SNTG2: variants seen among roughly 807,000 people sequenced by gnomAD.
The protein encoded by SNTG2 is syntrophin gamma 2.
Under a neutral mutation model 70.9 loss-of-function variants are expected in SNTG2, and 74 were observed. The ratio of observed to expected loss-of-function variants is 1.04; its 90% CI spans 0.86 to 1.27. The LOEUF is 1.27. Among genes scored for constraint, SNTG2 ranks in the 50% most tolerant of loss-of-function variants. SNTG2 has a pLI of 0.00. For synonymous variants in SNTG2, 278 were observed against 273.8 expected (o/e 1.02, Z -0.15); for missense variants, 717 against 690.7 (o/e 1.04, Z -0.43).
intron 6 of SNTG2, among the ~76,000 whole-genome samples, chr2:1,143,859 C>T (rs536791014): frequency 1.3e-5 from 2 of 149,862 alleles, no homozygotes; most frequent in Non-Finnish European, 3.0e-5. Flanking sequence ...GGCGACAGAG[C>T]GAGACTCTGT....
intron 16 of SNTG2, among the ~76,000 whole-genome samples, chr2:1,342,281 G>A (rs181262509): frequency 1.8e-4 from 20 of 109,726 alleles, no homozygotes; most frequent in African/African-American, 7.7e-4. Context: ...CTCCTGCTCT[G>A]TAGGACAGCA....
rs567298732 is a variant in SNTG2 at position 1,040,823 on chromosome 2, C to T, written c.73-42695C>T. Among the ~76,000 whole-genome samples the T allele has an allele frequency of 7.2e-5, 11 of 152,268 alleles. No individual in the cohort carries two copies. The South Asian group carries it at 1.2e-3, about 17-fold the overall frequency. On this transcript the variant is annotated intron_variant, in intron 1 of 16. Coordinates refer to ENST00000308624, the MANE Select transcript of SNTG2 (RefSeq NM_018968.4). ...ATCCTCCCTGTCCTGCCACCCTTGA[C>T]GTTTGATATTAATTATGCTTCAAAA...
intron 1 of SNTG2, among the ~76,000 whole-genome samples, chr2:959,816 T>C (rs1660292288): frequency 6.6e-6 from 1 of 151,614 alleles, no homozygotes; most frequent in Non-Finnish European, 1.5e-5. Context: ...TTTATTCCTT[T>C]GATGTTTGTA....
At chr2:1,069,498 A>AC (rs1302249411) in intron 1 of SNTG2, among the ~76,000 whole-genome samples, 1 of 151,844 alleles carries the variant, frequency 6.6e-6, no homozygotes, top group Non-Finnish European at 1.5e-5. Context: ...GGAAAAAAAA[A>AC]AAAACAAAAA....
chr2:1,002,602 G>A (rs1558304525), intron 1 of SNTG2, among the ~76,000 whole-genome samples: 2 of 151,236 alleles, frequency 1.3e-5, no homozygotes, highest in African/African-American at 2.4e-5. Flanking sequence ...AAAAACAGAT[G>A]TGTATGAGGA....
chr2:1,085,215 G>A (rs543365044), intron 2 of SNTG2, among the ~76,000 whole-genome samples: 2 of 152,186 alleles, frequency 1.3e-5, no homozygotes, highest in Admixed American at 6.5e-5. Flanking sequence ...GGAAGCTTTC[G>A]TAATCATTTT....
chr2:981,631 G>C (rs1428204234), intron 1 of SNTG2, among the ~76,000 whole-genome samples: 1 of 152,004 alleles, frequency 6.6e-6, no homozygotes, highest in Non-Finnish European at 1.5e-5. Context: ...ATACACACAG[G>C]TGCACAGACG....
intron 8 of SNTG2, among the ~76,000 whole-genome samples, chr2:1,191,053 A>G (rs1013930635): frequency 6.6e-6 from 1 of 152,208 alleles, no homozygotes; most frequent in Non-Finnish European, 1.5e-5. Context: ...GCAATCCCAC[A>G]TGCTCATTAA....
intron 1 of SNTG2, among the ~76,000 whole-genome samples, chr2:1,044,353 G>A (rs1354966220): frequency 6.6e-6 from 1 of 152,058 alleles, no homozygotes; most frequent in African/African-American, 2.4e-5. Flanking sequence ...TCTGTGAAAA[G>A]AGATAGGTTG....
intron 16 of SNTG2, among the ~76,000 whole-genome samples, chr2:1,354,831 A>C (rs186625926): frequency 6.6e-6 from 1 of 152,340 alleles, no homozygotes; most frequent in East Asian, 1.9e-4. Context: ...TGAGAAGAGA[A>C]TACTTTGGGA....
intron 8 of SNTG2, among the ~76,000 whole-genome samples, chr2:1,181,259 C>A (rs895008265): frequency 6.6e-6 from 1 of 152,034 alleles, no homozygotes; most frequent in Non-Finnish European, 1.5e-5. Flanking sequence ...TCTTTGCACT[C>A]AAGAGTGTGT....
At chr2:1,346,534 A>T (rs990262694) in intron 16 of SNTG2, 2 of 152,332 alleles carry the variant, frequency 1.3e-5, no homozygotes, top group South Asian at 2.1e-4. Flanking sequence ...TGGAGGGGCA[A>T]GCTCCCTCCA....
chr2:1,364,431 C>A (rs551508692), intron 16 of SNTG2, among the ~76,000 whole-genome samples: 14 of 152,134 alleles, frequency 9.2e-5, no homozygotes, highest in African/African-American at 3.1e-4. Context: ...ATCTTGGGAA[C>A]TTGTAAAGCA....
intron 9 of SNTG2, among the ~76,000 whole-genome samples, chr2:1,223,467 G>T (rs188948885): frequency 2.6e-5 from 4 of 152,152 alleles, no homozygotes; most frequent in African/African-American, 9.7e-5. Context: ...TGCCAACTGC[G>T]TCGGATTCCT....
rs146878881 is a variant in SNTG2, at chr2:1,132,738, G to A, written c.326-4884G>A. ...TAAGCTGTGGAAGAAGCTGAGCCAT[G>A]TGTTAGCTGAGTGTACATGATACGA... On this transcript the variant is annotated intron_variant, in intron 4 of 16. Coordinates refer to ENST00000308624, the MANE Select transcript of SNTG2 (RefSeq NM_018968.4). 1.2e-3 allele frequency among the ~76,000 whole-genome samples: 185 copies of A among 152,264 alleles called. 1 individual carries two copies. The highest frequency in any genetic ancestry group is 4.3e-3 in the African/African-American group (177 of 41,568).
At chr2:1,069,664 G>T (rs2148133280) in intron 1 of SNTG2, among the ~76,000 whole-genome samples, 1 of 152,168 alleles carries the variant, frequency 6.6e-6, no homozygotes, top group Non-Finnish European at 1.5e-5. Context: ...GATGACACGT[G>T]CCTGTAGTTC....
At chr2:1,102,192 G>T (rs940197305) in intron 4 of SNTG2, among the ~76,000 whole-genome samples, 2 of 152,160 alleles carry the variant, frequency 1.3e-5, no homozygotes, top group African/African-American at 2.4e-5. Context: ...GAGGAGACGG[G>T]GAGAGGGCGC....
chr2:1,042,159 CT>C (rs372762250), intron 1 of SNTG2, among the ~76,000 whole-genome samples: 176 of 152,206 alleles, frequency 1.2e-3, no homozygotes, highest in African/African-American at 3.9e-3. Flanking sequence ...ACCAAATTTT[CT>C]TTTTTAAAAT....
intron 1 of SNTG2, among the ~76,000 whole-genome samples, chr2:958,890 T>C (rs1044806446): frequency 6.6e-6 from 1 of 152,162 alleles, no homozygotes; most frequent in African/African-American, 2.4e-5. Flanking sequence ...TAGTACGATA[T>C]CTAAAACAAT....
Sources: gnomAD v4.1 joint callset for allele counts (sites outside exome capture counted in the v4.1 genomes callset) on GRCh38, gnomAD v4.1.1 for gene constraint, MANE v1.5 for transcripts, NCBI Gene and HGNC (gene_info 2026-07-23, HGNC 2026-07-21) for gene names.